The following TTC21A variants were observed in gnomAD, a reference collection of about 807,000 sequenced individuals.
TTC21A encodes the protein tetratricopeptide repeat domain 21A, also known as tetratricopeptide repeat protein 21A.
A neutral mutation model predicts 156.4 loss-of-function variants in TTC21A; 128 were observed. The observed-to-expected ratio is 0.82, with a 90% CI of 0.71 to 0.95. The LOEUF (loss-of-function observed/expected upper bound fraction) is 0.95, where lower values mean the gene tolerates loss of function less well. Ranked by LOEUF, TTC21A falls within the 40% of genes least tolerant of loss-of-function variation. The probability of loss-of-function intolerance (pLI) is 0.00; values close to 1 mark genes in which losing one functional copy is unlikely to be tolerated. For missense variants in TTC21A, 1,435 were observed against 1,602.3 expected, an observed-to-expected ratio of 0.90 and a Z score of 1.78; for synonymous variants, 587 against 617.1, an observed-to-expected ratio of 0.95 and a Z score of 0.72.
chr3:39,129,114 G>A lies in TTC21A; in HGVS notation c.1939G>A (p.Gly647Ser), dbSNP rs778256486. The A allele has an allele frequency of 6.8e-6, 11 of 1,614,220 alleles. No homozygotes were observed. The highest frequency in any genetic ancestry group is 1.1e-5 in the South Asian group (1 of 91,080). ...KVMQDTINEF[G>S]GTPEENRITI... is the part of the protein sequence containing the mutation. Reference sequence around the variant, plus strand: ...CATGCAGGACACCATCAATGAGTTCGGTGGCACACCAGAAGAGAACCGCAT... The same window carrying A: ...CATGCAGGACACCATCAATGAGTTCAGTGGCACACCAGAAGAGAACCGCAT... Residue 647 changes from glycine (G) to serine (S), a missense_variant, in exon 15 of 29, where the codon GGT becomes AGT. Coordinates refer to ENST00000683103, the MANE Select transcript of TTC21A (RefSeq NM_001366900.1).
chr3:39,126,475 TACACACACACACACACAC>T (rs59925253), intron 12 of TTC21A, 85 bp downstream of exon 12: 824 of 520,324 alleles, frequency 1.6e-3, no homozygotes, highest in East Asian at 0.012. Flanking sequence ...CCTAGGATAC[TACACACACACACACACAC>T]ACACACACAC....
rs528382104 is a variant in TTC21A at position 39,108,115 on chromosome 3, C to G, written c.27+251C>G. 151 of 584,654 alleles carry G rather than the reference C, an allele frequency of 2.6e-4. 1 individual carries two copies. The South Asian group carries it at 3.0e-3, about 12-fold the overall frequency. 36.2% of individuals were successfully genotyped at this position (584,654 alleles called of 1,614,324 possible). ...GCTCATCCAATCACTATCATTATCCCTTCTTGTCATCATCCCTTCTTCCAC... is the reference window on the plus strand; with the variant it reads ...GCTCATCCAATCACTATCATTATCCGTTCTTGTCATCATCCCTTCTTCCAC... On this transcript the variant is annotated intron_variant, in intron 1 of 28. Coordinates refer to ENST00000683103, the MANE Select transcript of TTC21A (RefSeq NM_001366900.1).
At chr3:39,111,145 A>G in intron 4 of TTC21A, 128 bp downstream of exon 4, 4 of 996,366 alleles carry the variant, frequency 4.0e-6, no homozygotes, top group Non-Finnish European at 4.3e-6. Flanking sequence ...CTGGCAAAAC[A>G]CCGGGTCTCA....
At position 39,114,605 on chromosome 3, in the gene TTC21A, G is replaced by A. The variant is rs775154180; in HGVS notation, c.579G>A (p.Gln193=). The stretch of plus-strand genomic sequence containing the variant: ...AACAGGCAATGTACTTCATGATGCA[G>A]CAGAACTACTCAGAGGCCCTGGAGG... The part of the protein sequence containing the change: ...LMGKAMYFMM[Q]QNYSEALEVV... The change falls in exon 6 of 29, where the codon CAG becomes CAA. Residue 193 remains glutamine (Q), a synonymous_variant. Coordinates refer to ENST00000683103, the MANE Select transcript of TTC21A (RefSeq NM_001366900.1). The A allele has an allele frequency of 6.2e-7, 1 of 1,614,174 alleles. No homozygotes were observed. Among genetic ancestry groups the A allele is most frequent in the African/African-American group, 1.3e-5 (1 of 75,044 alleles).
chr3:39,135,019 A>ACC, intron 21 of TTC21A, 74 bp from the exon 22 acceptor site: 2 of 1,258,914 alleles, frequency 1.6e-6, no homozygotes, highest in South Asian at 1.2e-5. Flanking sequence ...TCACCCCCAT[A>ACC]CCCCCCGCCT....
chr3:39,128,738 C>T lies in TTC21A; in HGVS notation c.1702C>T (p.His568Tyr). 1 of 1,614,150 alleles carries T rather than the reference C, an allele frequency of 6.2e-7. No individual in the cohort carries two copies. The highest frequency in any genetic ancestry group is 8.5e-7 in the Non-Finnish European group (1 of 1,180,024). Reference sequence around the variant, plus strand: ...CTAGGTCCGAGATCACCCCCTCTACCACCTCATCAAGGCCAGGGCCCTCAA... The same window carrying T: ...CTAGGTCCGAGATCACCCCCTCTACTACCTCATCAAGGCCAGGGCCCTCAA... ...NFQVRDHPLYHLIKARALNKA... is the reference protein window; with the variant it reads ...NFQVRDHPLYYLIKARALNKA... The change falls in exon 14 of 29, where the codon CAC (histidine) becomes TAC (tyrosine). Residue 568 changes from histidine (H) to tyrosine (Y), a missense_variant. Physicochemically the swap from His to Tyr is moderately conservative, Grantham distance 83 (BLOSUM62 2). Transcript: ENST00000683103.
intron 19 of TTC21A, among the ~76,000 whole-genome samples, chr3:39,131,938 G>T (rs1381668470): frequency 6.6e-6 from 1 of 152,116 alleles, no homozygotes; most frequent in Non-Finnish European, 1.5e-5. Context: ...ATGACATTTG[G>T]GGGGCATGTT....
chr3:39,107,754 G>C lies in TTC21A; in HGVS notation c.-84G>C. On this transcript the variant is annotated 5_prime_UTR_variant, in exon 1 of 29. Transcript: ENST00000683103. ...TGTAACGCCTTCAACCGCCCGCCGC[G>C]ATAGAGTGCCCACGACCCTGCCTCG... The C allele has an allele frequency of 1.3e-6, 2 of 1,589,456 alleles. No homozygotes were observed. Among genetic ancestry groups the C allele is most frequent in the Non-Finnish European group, 1.7e-6 (2 of 1,163,194 alleles).
intron 11 of TTC21A, among the ~76,000 whole-genome samples, chr3:39,125,737 C>A (rs2038172610): frequency 6.6e-6 from 1 of 152,230 alleles, no homozygotes; most frequent in African/African-American, 2.4e-5. Flanking sequence ...CAGATTCTGA[C>A]TCTACAGGGG....
In TTC21A at chr3:39,129,365, G is replaced by A. The variant is rs202222714; in HGVS notation, c.2135+55G>A. The A allele has an allele frequency of 2.4e-4, 319 of 1,345,410 alleles. 4 individuals carry two copies. Among genetic ancestry groups the A allele is most frequent in the South Asian group, 2.3e-3 (191 of 84,228 alleles). 83.3% of individuals were successfully genotyped at this position (1,345,410 alleles called of 1,614,324 possible). On this transcript the variant is annotated intron_variant, in intron 15 of 28. Transcript: ENST00000683103. ...TTCTTCTCCAATGGTATCTTAGGGA[G>A]TGTTTCCTTCAGATGGTATTTCTTC...
At chr3:39,132,439 G>C (rs2038795224) in intron 19 of TTC21A, among the ~76,000 whole-genome samples, 1 of 152,152 alleles carries the variant, frequency 6.6e-6, no homozygotes. Flanking sequence ...CTTGTTCCTG[G>C]AGTATGCTCT....
At chr3:39,138,163 T>A in intron 26 of TTC21A, 104 bp from the exon 27 acceptor site, 1 of 1,562,400 alleles carries the variant, frequency 6.4e-7, no homozygotes. Context: ...GGCAGCTCAC[T>A]TCTGTCCCTT....
Position 39,117,050 on chromosome 3 carries a change from A to G in TTC21A, c.717-1019A>G, listed in dbSNP as rs6800098. On this transcript the variant is annotated intron_variant, in intron 6 of 28. Coordinates refer to ENST00000683103, the MANE Select transcript of TTC21A (RefSeq NM_001366900.1). ...TTGGATGCCTGTCTCAACCATTCTCAATTTTACTTTGGAATATAAGCATTG... is the reference window on the plus strand; with the variant it reads ...TTGGATGCCTGTCTCAACCATTCTCGATTTTACTTTGGAATATAAGCATTG... 9.0e-3 allele frequency among the ~76,000 whole-genome samples: 1,376 copies of G among 152,060 alleles called. 28 individuals carry two copies. The highest frequency in any genetic ancestry group is 0.032 in the African/African-American group (1,320 of 41,468).
In TTC21A at chr3:39,128,492, G is replaced by A. The variant is rs1184783961; in HGVS notation, c.1680+4G>A. The stretch of plus-strand genomic sequence containing the variant: ...GGGTGTCAGCCACAACTTCCAGGTG[G>A]GTGCCCTCTCATCCTCTCAGCATCC... On this transcript the variant is annotated splice_donor_region_variant and intron_variant, in intron 13 of 28. Coordinates refer to ENST00000683103, the MANE Select transcript of TTC21A (RefSeq NM_001366900.1). 3.7e-6 allele frequency: 6 copies of A among 1,614,034 alleles called. No individual in the cohort carries two copies. The highest frequency in any genetic ancestry group is 1.1e-5 in the South Asian group (1 of 91,072).
In TTC21A at chr3:39,121,982, C is replaced by G. The variant is rs183444151; in HGVS notation, c.1093+793C>G. ...CTCAAATCCATGCTTTCCCTCTGTC[C>G]CCAAATCCCATGAAAATAATGAAAG... On this transcript the variant is annotated intron_variant, in intron 9 of 28. Transcript: ENST00000683103. Among the ~76,000 whole-genome samples, 436 of 152,258 alleles carry G rather than the reference C, an allele frequency of 2.9e-3. 4 individuals carry two copies. Among genetic ancestry groups the G allele is most frequent in the African/African-American group, 9.5e-3 (395 of 41,548 alleles).
Position 39,134,072 on chromosome 3 carries a change from C to T in TTC21A, c.2752-146C>T. Reference sequence around the variant, plus strand: ...AGAACTGCATGGGAGAAGGGGAAGGCCAGGACGTTCACGTGGGGAATTCGA... The same window carrying T: ...AGAACTGCATGGGAGAAGGGGAAGGTCAGGACGTTCACGTGGGGAATTCGA... On this transcript the variant is annotated intron_variant, in intron 20 of 28. Coordinates refer to ENST00000683103, the MANE Select transcript of TTC21A (RefSeq NM_001366900.1). This position sits in a 1 kb window ranked among gnomAD's most constrained non-coding sequence, Gnocchi z 4.6. 1 of 692,796 alleles carries T rather than the reference C, an allele frequency of 1.4e-6. No homozygotes were observed. Among genetic ancestry groups the T allele is most frequent in the East Asian group, 2.5e-5 (1 of 40,248 alleles). 42.9% of individuals were successfully genotyped at this position (692,796 alleles called of 1,614,324 possible).
chr3:39,122,023 A>T (rs2037810378), intron 9 of TTC21A, among the ~76,000 whole-genome samples: 1 of 152,178 alleles, frequency 6.6e-6, no homozygotes, highest in African/African-American at 2.4e-5. Context: ...TTTAAAAGGT[A>T]ATGAGCCAGG....
At chr3:39,113,474 G>A (rs2037004315) in intron 5 of TTC21A, among the ~76,000 whole-genome samples, 1 of 152,306 alleles carries the variant, frequency 6.6e-6, no homozygotes, top group East Asian at 1.9e-4. Context: ...CTTGACACTG[G>A]AGGTGGGCTG....
chr3:39,137,379 C>T lies in TTC21A; in HGVS notation c.3442C>T (p.Gln1148Ter). Reference protein sequence around the residue: ...AALGSFIQIAQAEKDSVPALL... With the variant: ...AALGSFIQIA ...GCTGGGCAGCTTCATCCAGATAGCG[C>T]AGGCTGAGGTGTGGCTGGTGGGGAC... Residue 1148 changes from glutamine (Q) to a stop codon, truncating the protein, a stop_gained, in exon 25 of 29, where the codon CAG becomes TAG. Coordinates refer to ENST00000683103, the MANE Select transcript of TTC21A (RefSeq NM_001366900.1). LOFTEE classifies it high-confidence loss of function. 6.2e-7 allele frequency: 1 copy of T among 1,612,736 alleles called. No individual in the cohort carries two copies. Among genetic ancestry groups the T allele is most frequent in the Non-Finnish European group, 8.5e-7 (1 of 1,179,140 alleles).
Sources: gnomAD v4.1 joint callset for allele counts (sites outside exome capture counted in the v4.1 genomes callset) on GRCh38, gnomAD v4.1.1 for gene constraint, Gnocchi (gnomAD v3.1) non-coding constraint, MANE v1.5 for transcripts, NCBI Gene and HGNC (gene_info 2026-07-23, HGNC 2026-07-21) for gene names.